SNTG1: variants seen among roughly 807,000 people sequenced by gnomAD.
SNTG1 encodes syntrophin gamma 1, also known as gamma-1-syntrophin.
A neutral mutation model predicts 74.7 loss-of-function variants in SNTG1; 39 were observed. That is an observed-to-expected ratio of 0.52 (90% CI 0.40 to 0.68). The LOEUF (loss-of-function observed/expected upper bound fraction) is 0.68. Ranked by LOEUF, SNTG1 falls within the 30% of genes least tolerant of loss-of-function variation. SNTG1 has a pLI of 0.00. For synonymous variants in SNTG1, 254 were observed against 217.1 expected (o/e 1.17, Z -1.49); for missense variants, 685 against 609.5 (o/e 1.12, Z -1.30).
chr8:50,483,479 A>T (rs1237291261), intron 8 of SNTG1, among the ~76,000 whole-genome samples: 1 of 152,060 alleles, frequency 6.6e-6, no homozygotes, highest in Non-Finnish European at 1.5e-5. Flanking sequence ...CTCCCTATGC[A>T]GGCTTCAGTC....
At chr8:50,149,071 A>G (rs967460874) in intron 1 of SNTG1, among the ~76,000 whole-genome samples, 15 of 151,834 alleles carry the variant, frequency 9.9e-5, no homozygotes, top group African/African-American at 3.6e-4. Context: ...TAGTTTCCTG[A>G]CTCTTTATGA....
intron 2 of SNTG1, among the ~76,000 whole-genome samples, chr8:50,318,558 C>T (rs1478768456): frequency 6.6e-6 from 1 of 152,112 alleles, no homozygotes; most frequent in Non-Finnish European, 1.5e-5. Context: ...TGTGTGACTC[C>T]CACGGTAAGA....
In SNTG1 at chr8:50,069,476, G is replaced by C. The variant is rs556168457; in HGVS notation, c.-102-103085G>C. Among the ~76,000 whole-genome samples, 120 of 151,162 alleles carry C rather than the reference G, an allele frequency of 7.9e-4. 1 individual carries two copies. Among genetic ancestry groups the C allele is most frequent in the Middle Eastern group, 3.5e-3 (1 of 288 alleles). On this transcript the variant is annotated intron_variant, in intron 1 of 18. Transcript: ENST00000642720. ...TGGAAAAATGTTCACAATAAAAATTGGTGTTTAAAATTGTTTATTGCAAAA... is the reference window on the plus strand; with the variant it reads ...TGGAAAAATGTTCACAATAAAAATTCGTGTTTAAAATTGTTTATTGCAAAA...
chr8:50,408,961 G>T lies in SNTG1; in HGVS notation c.162+6617G>T, dbSNP rs560313824. On this transcript the variant is annotated intron_variant, in intron 4 of 18. Coordinates refer to ENST00000642720, the MANE Select transcript of SNTG1 (RefSeq NM_018967.5). Reference sequence around the variant, plus strand: ...AGGAAACAGGTAATACAGGGTCAGCGCCAGAAAACCACAGGCTGATGAACC... The same window carrying T: ...AGGAAACAGGTAATACAGGGTCAGCTCCAGAAAACCACAGGCTGATGAACC... Among the ~76,000 whole-genome samples, 4 of 152,194 alleles carry T rather than the reference G, an allele frequency of 2.6e-5. No individual in the cohort carries two copies. In the East Asian group the frequency reaches 7.7e-4, roughly 29 times the overall value.
At position 50,088,539 on chromosome 8, in the gene SNTG1, T is replaced by C. The variant is rs923172566; in HGVS notation, c.-102-84022T>C. On this transcript the variant is annotated intron_variant, in intron 1 of 18. Transcript: ENST00000642720. ...TCAGCCCAAAATCTCCTTAAGCTGATAAGCAACTTCAGCAAAGTCTCAGGA... is the reference window on the plus strand; with the variant it reads ...TCAGCCCAAAATCTCCTTAAGCTGACAAGCAACTTCAGCAAAGTCTCAGGA... Among the ~76,000 whole-genome samples the C allele has an allele frequency of 9.4e-4, 127 of 134,408 alleles. 1 individual carries two copies. The highest frequency in any genetic ancestry group is 3.0e-3 in the African/African-American group (117 of 38,752). The allele number at this position is 134,408 out of a possible 152,430, so 88.2% of individuals were successfully genotyped here.
chr8:50,769,147 AGTACTCTGTACTCTTAAC>A (rs2095621058), intron 18 of SNTG1, among the ~76,000 whole-genome samples: 1 of 151,610 alleles, frequency 6.6e-6, no homozygotes, highest in East Asian at 2.0e-4. Context: ...TTGTGTTAAG[AGTACTCTGTACTCTTAAC>A]ACTCTGTACA....
chr8:50,040,171 C>T (rs1363946808), intron 1 of SNTG1, among the ~76,000 whole-genome samples: 1 of 152,074 alleles, frequency 6.6e-6, no homozygotes, highest in Non-Finnish European at 1.5e-5. Context: ...CTCTGGCGGT[C>T]GCTGGTTGTT....
intron 8 of SNTG1, among the ~76,000 whole-genome samples, chr8:50,454,829 T>A (rs1451281151): frequency 1.5e-3 from 142 of 95,070 alleles, no homozygotes; most frequent in African/African-American, 2.4e-3. Context: ...CAGACAGAGC[T>A]AAAAAAAAAA....
intron 1 of SNTG1, among the ~76,000 whole-genome samples, chr8:50,069,583 ATTTTTTTTTTTTTTTTTTTTTTTT>A (rs71235778): frequency 1.0e-4 from 7 of 67,032 alleles, no homozygotes; most frequent in African/African-American, 4.8e-4. Flanking sequence ...ATTGGGAGGA[ATTTTTTTTTTTTTTTTTTTTTTTT>A]TTTTTTTTTT....
intron 3 of SNTG1, among the ~76,000 whole-genome samples, chr8:50,395,356 A>G (rs2092713481): frequency 6.6e-6 from 1 of 151,308 alleles, no homozygotes; most frequent in African/African-American, 2.4e-5. Flanking sequence ...TTGTTTACAA[A>G]CCTTTCTCAT....
At chr8:50,264,538 C>A (rs2130159307) in intron 2 of SNTG1, among the ~76,000 whole-genome samples, 1 of 151,322 alleles carries the variant, frequency 6.6e-6, no homozygotes, top group Non-Finnish European at 1.5e-5. Context: ...CCACTGCACT[C>A]CAGCCTGAGC....
chr8:50,000,411 C>A (rs1043860458), intron 1 of SNTG1, among the ~76,000 whole-genome samples: 1 of 152,104 alleles, frequency 6.6e-6, no homozygotes, highest in Non-Finnish European at 1.5e-5. Flanking sequence ...CAAACTGCTG[C>A]TCCTCCGAGT....
chr8:49,935,676 A>C (rs1808020273), intron 1 of SNTG1, among the ~76,000 whole-genome samples: 1 of 152,222 alleles, frequency 6.6e-6, no homozygotes, highest in Admixed American at 6.5e-5. Flanking sequence ...ATGCTCAGCC[A>C]GGACATCTCT....
chr8:50,237,380 C>A (rs1180675564), intron 2 of SNTG1, among the ~76,000 whole-genome samples: 1 of 152,112 alleles, frequency 6.6e-6, no homozygotes, highest in African/African-American at 2.4e-5. Flanking sequence ...CTATCAGATG[C>A]CGTGTGTTAA....
chr8:50,151,574 G>T (rs1321311308), intron 1 of SNTG1, among the ~76,000 whole-genome samples: 1 of 152,116 alleles, frequency 6.6e-6, no homozygotes, highest in Non-Finnish European at 1.5e-5. Context: ...TCTACATACT[G>T]GTTTAAATGT....
intron 1 of SNTG1, among the ~76,000 whole-genome samples, chr8:50,060,456 G>A (rs147260090): frequency 6.6e-6 from 1 of 152,018 alleles, no homozygotes; most frequent in East Asian, 1.9e-4. Context: ...TTGTACCTAT[G>A]TTTTCTTCTA....
Position 50,210,257 on chromosome 8 carries a change from G to A in SNTG1, c.-28+37622G>A, listed in dbSNP as rs2084452731. Among the ~76,000 whole-genome samples, 9 of 152,320 alleles carry A rather than the reference G, an allele frequency of 5.9e-5. No homozygotes were observed. In the South Asian group the frequency reaches 1.9e-3, roughly 32 times the overall value. ...AAGACCAAATCTATGTCTGATTGATGTACCTGAAAGTAACGGGGAGAATGG... is the reference window on the plus strand; with the variant it reads ...AAGACCAAATCTATGTCTGATTGATATACCTGAAAGTAACGGGGAGAATGG... On this transcript the variant is annotated intron_variant, in intron 2 of 18. Transcript: ENST00000642720.
At chr8:50,012,319 C>T (rs1815892564) in intron 1 of SNTG1, among the ~76,000 whole-genome samples, 1 of 151,868 alleles carries the variant, frequency 6.6e-6, no homozygotes, top group Non-Finnish European at 1.5e-5. Flanking sequence ...GATATCGGGG[C>T]TGTTGTATGT....
At chr8:49,966,047 A>G (rs546813231) in intron 1 of SNTG1, among the ~76,000 whole-genome samples, 51 of 152,310 alleles carry the variant, frequency 3.3e-4, no homozygotes, top group African/African-American at 1.2e-3. Flanking sequence ...TATACTCAGC[A>G]TGTAATGTTC....
Sources: allele counts gnomAD v4.1 joint callset (sites outside exome capture counted in the v4.1 genomes callset), GRCh38; gene constraint gnomAD v4.1.1; transcripts MANE v1.5; gene names NCBI Gene and HGNC (gene_info 2026-07-23, HGNC 2026-07-21).